PPP2R5E: variants seen among roughly 807,000 people sequenced by gnomAD.
PPP2R5E encodes the protein protein phosphatase 2 regulatory subunit B'epsilon.
PPP2R5E carries 4 observed loss-of-function variants against 65.3 expected under a neutral mutation model. The observed-to-expected ratio is 0.06, with a 90% CI of 0.03 to 0.14. The LOEUF is 0.14. Among genes scored for constraint, PPP2R5E ranks in the 10% least tolerant of loss-of-function variants. The pLI, the probability that PPP2R5E is intolerant of heterozygous loss-of-function variation, is 1.00. For missense variants in PPP2R5E, 274 were observed against 556.1 expected (o/e 0.49, Z 5.10); for synonymous variants, 183 against 187.4 (o/e 0.98, Z 0.19).
chr14:63,458,314 C>G (rs1889252980), intron 2 of PPP2R5E, among the ~76,000 whole-genome samples: 1 of 152,156 alleles, frequency 6.6e-6, no homozygotes, highest in Non-Finnish European at 1.5e-5. Flanking sequence ...CCTACTAGTC[C>G]ACTTCCATCA....
At chr14:63,464,971 C>T (rs989045856) in intron 2 of PPP2R5E, among the ~76,000 whole-genome samples, 2 of 149,672 alleles carry the variant, frequency 1.3e-5, no homozygotes, top group East Asian at 4.0e-4. Flanking sequence ...TGCAACGAGC[C>T]GAAATTGTGC....
intron 13 of PPP2R5E, among the ~76,000 whole-genome samples, chr14:63,376,956 G>C (rs1884020608): frequency 6.6e-6 from 1 of 151,752 alleles, no homozygotes; most frequent in Non-Finnish European, 1.5e-5. Context: ...TCATCAGTGA[G>C]ACCCCGTCTC....
intron 3 of PPP2R5E, among the ~76,000 whole-genome samples, chr14:63,431,695 T>C (rs898592785): frequency 1.3e-5 from 2 of 152,170 alleles, no homozygotes; most frequent in South Asian, 2.1e-4. Flanking sequence ...GGGTGCATTG[T>C]TTACATGTGA....
chr14:63,416,142 G>A (rs1002506010), intron 4 of PPP2R5E, among the ~76,000 whole-genome samples: 7 of 152,150 alleles, frequency 4.6e-5, no homozygotes, highest in South Asian at 4.1e-4. Flanking sequence ...TCCTGACGAG[G>A]TATGCAACAG....
chr14:63,415,525 T>C (rs912913604), intron 4 of PPP2R5E, among the ~76,000 whole-genome samples: 2 of 152,174 alleles, frequency 1.3e-5, no homozygotes, highest in African/African-American at 2.4e-5. Flanking sequence ...TTCTACAACA[T>C]ACTAATGTAC....
chr14:63,416,357 T>A (rs1252065761), intron 4 of PPP2R5E, among the ~76,000 whole-genome samples: 1 of 152,188 alleles, frequency 6.6e-6, no homozygotes, highest in Non-Finnish European at 1.5e-5. Context: ...CTAACTCTTT[T>A]CCTTACTAAC....
intron 5 of PPP2R5E, among the ~76,000 whole-genome samples, chr14:63,412,306 A>G (rs1485171096): frequency 6.6e-6 from 1 of 152,242 alleles, no homozygotes; most frequent in Non-Finnish European, 1.5e-5. Flanking sequence ...AACATGCAGC[A>G]ATATGCAGAA....
chr14:63,458,730 C>T (rs1889288290), intron 2 of PPP2R5E, among the ~76,000 whole-genome samples: 1 of 152,090 alleles, frequency 6.6e-6, no homozygotes, highest in Admixed American at 6.5e-5. Flanking sequence ...CATATGTTTG[C>T]ATTGGAAGCT....
intron 2 of PPP2R5E, among the ~76,000 whole-genome samples, chr14:63,493,483 C>CGCGT (rs1555365669): frequency 1.0e-4 from 13 of 126,824 alleles, no homozygotes; most frequent in African/African-American, 3.8e-4. Flanking sequence ...ACCGCGCGCG[C>CGCGT]GTGTGTGTGT....
chr14:63,411,848 C>T (rs1163303327), intron 5 of PPP2R5E, among the ~76,000 whole-genome samples: 2 of 152,018 alleles, frequency 1.3e-5, no homozygotes, highest in African/African-American at 4.8e-5. Flanking sequence ...CCAAATACAC[C>T]TCTTTTCTTC....
chr14:63,448,586 C>T (rs1201062905), intron 3 of PPP2R5E, among the ~76,000 whole-genome samples: 9 of 151,668 alleles, frequency 5.9e-5, no homozygotes, highest in Middle Eastern at 3.4e-3. Context: ...GTCAGGAGTT[C>T]GAGACTAGCC....
intron 2 of PPP2R5E, among the ~76,000 whole-genome samples, chr14:63,466,026 C>T (rs1033422779): frequency 6.6e-6 from 1 of 152,054 alleles, no homozygotes; most frequent in Non-Finnish European, 1.5e-5. Context: ...GCCAAAAAAA[C>T]GGCAATAAAA....
chr14:63,426,004 C>A (rs1227133360), intron 3 of PPP2R5E, among the ~76,000 whole-genome samples: 1 of 152,136 alleles, frequency 6.6e-6, no homozygotes, highest in Non-Finnish European at 1.5e-5. Context: ...TCCTGTCATG[C>A]TTTATTTAGT....
At chr14:63,465,028 G>T (rs1435669496) in intron 2 of PPP2R5E, among the ~76,000 whole-genome samples, 1 of 98,470 alleles carries the variant, frequency 1.0e-5, no homozygotes, top group African/African-American at 5.5e-5. Flanking sequence ...GTCTCAAGAA[G>T]AAGAAAAAAA....
chr14:63,383,246 G>C (rs1034455730), intron 12 of PPP2R5E, among the ~76,000 whole-genome samples: 1 of 152,152 alleles, frequency 6.6e-6, no homozygotes, highest in Non-Finnish European at 1.5e-5. Context: ...CTTCCGTTTT[G>C]CAACAAACAT....
chr14:63,448,285 G>A (rs1888615045), intron 3 of PPP2R5E, among the ~76,000 whole-genome samples: 1 of 149,800 alleles, frequency 6.7e-6, no homozygotes, highest in South Asian at 2.1e-4. Context: ...CGACAGAGCG[G>A]GACTCCATCT....
intron 5 of PPP2R5E, among the ~76,000 whole-genome samples, chr14:63,397,724 CTTT>C (rs750438698): frequency 3.6e-5 from 5 of 138,788 alleles, no homozygotes; most frequent in Non-Finnish European, 3.2e-5. Context: ...ATGTGAATAA[CTTT>C]TTTTTTTTTT....
At chr14:63,484,664 T>C (rs1021965936) in intron 2 of PPP2R5E, among the ~76,000 whole-genome samples, 8 of 152,002 alleles carry the variant, frequency 5.3e-5, no homozygotes, top group Admixed American at 4.6e-4. Flanking sequence ...ACTGAAAAAA[T>C]TGGGAAGGCC....
At chr14:63,412,711 T>C (rs1451918193) in intron 5 of PPP2R5E, among the ~76,000 whole-genome samples, 1 of 152,218 alleles carries the variant, frequency 6.6e-6, no homozygotes, top group Admixed American at 6.5e-5. Flanking sequence ...GATTTCTATT[T>C]ATCTTGGGGA....
Sources: allele counts gnomAD v4.1 joint callset (sites outside exome capture counted in the v4.1 genomes callset), GRCh38; gene constraint gnomAD v4.1.1; transcripts MANE v1.5; gene names NCBI Gene and HGNC (gene_info 2026-07-23, HGNC 2026-07-21).